Variants in NLGN1 observed in about 807,000 individuals in gnomAD.
NLGN1 encodes the protein neuroligin-1.
In NLGN1, 12 loss-of-function variants were observed where a neutral mutation model predicts 65.5. That is an observed-to-expected ratio of 0.18 (90% CI 0.12 to 0.30). NLGN1 has a LOEUF of 0.30. NLGN1 is among the 10% of genes least tolerant of loss of function. The pLI, the probability that NLGN1 is intolerant of heterozygous loss-of-function variation, is 1.00. For missense variants in NLGN1, 750 were observed against 1,007.1 expected, an observed-to-expected ratio of 0.74 and a Z score of 3.46; for synonymous variants, 350 against 359.5, an observed-to-expected ratio of 0.97 and a Z score of 0.30.
intron 4 of NLGN1, chr3:173,912,557 G>T (rs945119665): frequency 6.6e-6 from 1 of 152,100 alleles, no homozygotes; most frequent in African/African-American, 2.4e-5. Context: ...AGAGCTCTCA[G>T]TATGTGGCGT....
At chr3:173,876,589 T>G (rs1479360298) in intron 4 of NLGN1, among the ~76,000 whole-genome samples, 2 of 152,064 alleles carry the variant, frequency 1.3e-5, no homozygotes, top group Non-Finnish European at 2.9e-5. Context: ...ATTCCAGAGC[T>G]GGGGCAGGAA....
chr3:173,960,847 G>A (rs11928030), intron 4 of NLGN1, among the ~76,000 whole-genome samples: 2 of 151,444 alleles, frequency 1.3e-5, no homozygotes, highest in African/African-American at 4.8e-5. Flanking sequence ...TTAAATATAA[G>A]ATTATTCATT....
chr3:173,642,916 C>T lies in NLGN1; in HGVS notation c.493+37825C>T, dbSNP rs1757639439. On this transcript the variant is annotated intron_variant, in intron 3 of 6. Transcript: ENST00000457714. ...GAACTGACCAATACGTTAGAATTAGCAGACAAGACATTAAAAGTCATAACT... is the reference window on the plus strand; with the variant it reads ...GAACTGACCAATACGTTAGAATTAGTAGACAAGACATTAAAAGTCATAACT... Among the ~76,000 whole-genome samples the T allele has an allele frequency of 2.0e-5, 3 of 152,048 alleles. No individual in the cohort carries two copies. The South Asian group carries it at 6.2e-4, about 32-fold the overall frequency.
intron 3 of NLGN1, among the ~76,000 whole-genome samples, chr3:173,683,984 T>C (rs1764332293): frequency 6.6e-6 from 1 of 152,116 alleles, no homozygotes; most frequent in Non-Finnish European, 1.5e-5. Context: ...AAACAAATCA[T>C]ATATCATTAT....
chr3:174,076,462 G>A (rs1267834367), intron 4 of NLGN1, among the ~76,000 whole-genome samples: 1 of 152,076 alleles, frequency 6.6e-6, no homozygotes, highest in Non-Finnish European at 1.5e-5. Context: ...AATCTGCTCT[G>A]GATTCTGGGG....
At chr3:173,739,718 T>G (rs1774340018) in intron 3 of NLGN1, among the ~76,000 whole-genome samples, 1 of 152,108 alleles carries the variant, frequency 6.6e-6, no homozygotes. Context: ...GTCAAAATAT[T>G]TTCGTGCCTT....
At chr3:173,861,197 A>C (rs879942658) in intron 4 of NLGN1, among the ~76,000 whole-genome samples, 2 of 152,204 alleles carry the variant, frequency 1.3e-5, no homozygotes, top group Non-Finnish European at 2.9e-5. Context: ...AATAATAATT[A>C]TAAAGCTAAC....
chr3:174,100,791 C>CCTT (rs1712259432), intron 4 of NLGN1, among the ~76,000 whole-genome samples: 2 of 151,904 alleles, frequency 1.3e-5, no homozygotes, highest in Non-Finnish European at 2.9e-5. Flanking sequence ...GAAAGGTGCC[C>CCTT]CTTCTAAGTA....
intron 1 of NLGN1, among the ~76,000 whole-genome samples, chr3:173,419,326 G>A (rs1387938805): frequency 6.6e-6 from 1 of 150,526 alleles, no homozygotes; most frequent in Non-Finnish European, 1.5e-5. Context: ...GGGTGAAGGG[G>A]GGATTATCTT....
chr3:173,766,459 T>C (rs893320117), intron 3 of NLGN1, among the ~76,000 whole-genome samples: 7 of 152,130 alleles, frequency 4.6e-5, no homozygotes, highest in African/African-American at 1.4e-4. Context: ...CTATTAGTAG[T>C]AGTAGTAGCA....
At chr3:174,063,694 CAGAG>C (rs1337459891) in intron 4 of NLGN1, among the ~76,000 whole-genome samples, 1 of 151,804 alleles carries the variant, frequency 6.6e-6, no homozygotes, top group Non-Finnish European at 1.5e-5. Context: ...GAGAGGGAAA[CAGAG>C]AGACAGAGAC....
chr3:174,048,570 T>TA (rs1560919925), intron 4 of NLGN1, among the ~76,000 whole-genome samples: 1 of 151,624 alleles, frequency 6.6e-6, no homozygotes, highest in African/African-American at 2.4e-5. Context: ...TATCAAAGAT[T>TA]AGAGATATGA....
chr3:174,071,736 A>T (rs1560974208), intron 4 of NLGN1, among the ~76,000 whole-genome samples: 2 of 149,516 alleles, frequency 1.3e-5, no homozygotes, highest in East Asian at 3.9e-4. Context: ...AAAAAAAAAA[A>T]TCAAGTGTGC....
intron 3 of NLGN1, among the ~76,000 whole-genome samples, chr3:173,616,282 T>A (rs1182021475): frequency 6.6e-6 from 1 of 152,108 alleles, no homozygotes; most frequent in Non-Finnish European, 1.5e-5. Context: ...ATCAGTTGTC[T>A]CTTCTTCCTA....
chr3:173,631,701 G>A (rs774066670), intron 3 of NLGN1, among the ~76,000 whole-genome samples: 3 of 152,114 alleles, frequency 2.0e-5, no homozygotes, highest in Non-Finnish European at 1.5e-5. Flanking sequence ...ATTTACTCTA[G>A]AATGATATAG....
At chr3:173,862,642 G>T (rs1729377367) in intron 4 of NLGN1, among the ~76,000 whole-genome samples, 1 of 151,482 alleles carries the variant, frequency 6.6e-6, no homozygotes, top group African/African-American at 2.4e-5. Flanking sequence ...TATCCAGAAA[G>T]GGAAACACCA....
At chr3:174,146,151 T>TCCTTCCTTCCTC (rs1561152831) in intron 4 of NLGN1, among the ~76,000 whole-genome samples, 5 of 134,344 alleles carry the variant, frequency 3.7e-5, no homozygotes, top group African/African-American at 1.6e-4. Flanking sequence ...CTTCCTTCCT[T>TCCTTCCTTCCTC]CCTCTCTCCC....
At chr3:173,554,076 T>G (rs896868107) in intron 2 of NLGN1, among the ~76,000 whole-genome samples, 1 of 152,202 alleles carries the variant, frequency 6.6e-6, no homozygotes, top group African/African-American at 2.4e-5. Context: ...TGCTACCATA[T>G]GGTGACACCA....
chr3:173,977,027 A>T (rs1003480370), intron 4 of NLGN1, among the ~76,000 whole-genome samples: 10 of 152,030 alleles, frequency 6.6e-5, no homozygotes, highest in Admixed American at 5.9e-4. Flanking sequence ...AGTGCAGCAG[A>T]TAGAATTGTG....
Sources: allele counts gnomAD v4.1 joint callset (sites outside exome capture counted in the v4.1 genomes callset), GRCh38; gene constraint gnomAD v4.1.1; transcripts MANE v1.5; gene names NCBI Gene and HGNC (gene_info 2026-07-23, HGNC 2026-07-21).